The following STK32B variants were observed in gnomAD, a reference collection of about 807,000 sequenced individuals.
STK32B encodes serine/threonine-protein kinase 32B.
A neutral mutation model predicts 52.6 loss-of-function variants in STK32B; 43 were observed. That is an observed-to-expected ratio of 0.82 (90% CI 0.64 to 1.05). The LOEUF is 1.05. Ranked by LOEUF, STK32B falls within the 50% of genes least tolerant of loss-of-function variation. The pLI is 0.00. For missense variants in STK32B, 621 were observed against 534.6 expected (o/e 1.16, Z -1.59); for synonymous variants, 238 against 204.3 (o/e 1.17, Z -1.41).
At chr4:5,101,680 G>A (rs74819981) in intron 1 of STK32B, among the ~76,000 whole-genome samples, 2,487 of 152,096 alleles carry the variant, frequency 0.016, 70 homozygotes, top group African/African-American at 0.055. Context: ...TTAACTCAAA[G>A]CATTTCTTTA....
Position 5,416,888 on chromosome 4 carries a change from A to G in STK32B, c.516A>G (p.Lys172=), listed in dbSNP as rs774036422. ...ITDFNIATVV[K]GAERASSMAG... is the part of the protein sequence containing the mutation. ...ACTTCAACATAGCGACGGTAGTGAA[A>G]GGAGCAGAAAGGGCTTCCTCCATGG... The change falls in exon 6 of 12, where the codon AAA becomes AAG. Residue 172 remains lysine (K), a synonymous_variant. Transcript: ENST00000282908. 6.2e-7 allele frequency: 1 copy of G among 1,613,958 alleles called. No homozygotes were observed. Among genetic ancestry groups the G allele is most frequent in the South Asian group, 1.1e-5 (1 of 90,968 alleles).
chr4:5,082,593 C>T (rs1712499312), intron 1 of STK32B, among the ~76,000 whole-genome samples: 1 of 152,188 alleles, frequency 6.6e-6, no homozygotes, highest in Non-Finnish European at 1.5e-5. Context: ...AATGTAATGA[C>T]AACTCTAACT....
chr4:5,362,208 A>G (rs1451867871), intron 4 of STK32B, among the ~76,000 whole-genome samples: 1 of 152,224 alleles, frequency 6.6e-6, no homozygotes, highest in African/African-American at 2.4e-5. Flanking sequence ...TCCTCGATTT[A>G]AAGTTGGAAT....
chr4:5,497,170 C>T (rs184234531), intron 11 of STK32B, among the ~76,000 whole-genome samples: 1 of 152,264 alleles, frequency 6.6e-6, no homozygotes, highest in East Asian at 1.9e-4. Flanking sequence ...ATAATCCCTG[C>T]AGTATTTGAA....
chr4:5,245,472 A>T (rs1322712920), intron 3 of STK32B, among the ~76,000 whole-genome samples: 2 of 151,178 alleles, frequency 1.3e-5, no homozygotes, highest in Non-Finnish European at 3.0e-5. Flanking sequence ...CTACGTGAGC[A>T]CGTGAGATGG....
At chr4:5,492,582 A>G (rs1392262795) in intron 11 of STK32B, among the ~76,000 whole-genome samples, 2 of 150,230 alleles carry the variant, frequency 1.3e-5, no homozygotes, top group South Asian at 2.1e-4. Context: ...TCTCCTGCCT[A>G]ATTGCCCTGG....
intron 6 of STK32B, among the ~76,000 whole-genome samples, chr4:5,442,249 G>A (rs1414988763): frequency 6.8e-6 from 1 of 147,734 alleles, no homozygotes; most frequent in Non-Finnish European, 1.5e-5. Context: ...AAGTCTCTTT[G>A]TAGGTCACTC....
intron 4 of STK32B, among the ~76,000 whole-genome samples, chr4:5,363,851 T>C (rs1734699430): frequency 6.6e-6 from 1 of 152,206 alleles, no homozygotes; most frequent in African/African-American, 2.4e-5. Context: ...CCAATTTTCA[T>C]TGCTAATTAA....
chr4:5,041,590 C>T, the STK32B span, among the ~76,000 whole-genome samples: 1 of 151,850 alleles, frequency 6.6e-6, no homozygotes, highest in African/African-American at 2.4e-5. Context: ...TGCAGACACT[C>T]TACATTAGTA....
At position 5,438,835 on chromosome 4, in the gene STK32B, G is replaced by T. The variant is rs1010753584; in HGVS notation, c.563-7838G>T. 2.6e-5 allele frequency among the ~76,000 whole-genome samples: 4 copies of T among 152,140 alleles called. No homozygotes were observed. The East Asian group carries it at 7.8e-4, about 30-fold the overall frequency. On this transcript the variant is annotated intron_variant, in intron 6 of 11. Coordinates refer to ENST00000282908, the MANE Select transcript of STK32B (RefSeq NM_018401.3). Reference sequence around the variant, plus strand: ...ATCTCATTGTTCAATTCCCACCTATGAGTGACAATATGCGGTGTTTGGTTT... The same window carrying T: ...ATCTCATTGTTCAATTCCCACCTATTAGTGACAATATGCGGTGTTTGGTTT...
chr4:5,064,374 A>T (rs1742330458), intron 1 of STK32B, among the ~76,000 whole-genome samples: 1 of 93,948 alleles, frequency 1.1e-5, no homozygotes, highest in South Asian at 2.5e-4. Context: ...ACTTATATAC[A>T]TATATAATAT....
chr4:5,272,059 G>C (rs1254795303), intron 3 of STK32B, among the ~76,000 whole-genome samples: 3 of 147,838 alleles, frequency 2.0e-5, no homozygotes, highest in Non-Finnish European at 4.4e-5. Context: ...GGAGTGGTGA[G>C]AGAGGGCATC....
intron 1 of STK32B, among the ~76,000 whole-genome samples, chr4:5,120,859 A>G (rs1223558534): frequency 1.3e-5 from 2 of 151,426 alleles, no homozygotes; most frequent in African/African-American, 2.4e-5. Context: ...ATAAAATAAT[A>G]TAACACTTCA....
chr4:5,320,143 C>A (rs887822589), intron 3 of STK32B, among the ~76,000 whole-genome samples: 4 of 152,000 alleles, frequency 2.6e-5, no homozygotes, highest in African/African-American at 9.7e-5. Flanking sequence ...TTTGATAGGT[C>A]CCTCCCCTAT....
chr4:5,450,289 C>G (rs1239830507), intron 7 of STK32B, among the ~76,000 whole-genome samples: 2 of 152,184 alleles, frequency 1.3e-5, no homozygotes, highest in Admixed American at 1.3e-4. Context: ...TACTGCCTCT[C>G]CAGAGAACAC....
Position 5,455,284 on chromosome 4 carries a change from G to A in STK32B, c.667-1523G>A, listed in dbSNP as rs1166627309. ...TGGGAATTGCCGTTCCATGAGGTTG[G>A]AGCCAGGACCTTAAGTGCCGCAGTG... On this transcript the variant is annotated intron_variant, in intron 7 of 11. Coordinates refer to ENST00000282908, the MANE Select transcript of STK32B (RefSeq NM_018401.3). Among the ~76,000 whole-genome samples the A allele has an allele frequency of 3.3e-5, 5 of 152,334 alleles. No homozygotes were observed. The East Asian group carries it at 5.8e-4, about 18-fold the overall frequency.
intron 2 of STK32B, among the ~76,000 whole-genome samples, chr4:5,141,203 G>C (rs897364576): frequency 1.3e-5 from 2 of 152,222 alleles, no homozygotes; most frequent in Non-Finnish European, 2.9e-5. Flanking sequence ...TGGAAGCTCA[G>C]GTTATGACGC....
intron 11 of STK32B, among the ~76,000 whole-genome samples, chr4:5,481,892 T>C (rs2109200054): frequency 6.6e-6 from 1 of 152,338 alleles, no homozygotes; most frequent in South Asian, 2.1e-4. Context: ...ATCCGATGGT[T>C]GTAGATATGC....
intron 11 of STK32B, among the ~76,000 whole-genome samples, chr4:5,488,994 C>T (rs1378217338): frequency 6.6e-6 from 1 of 151,900 alleles, no homozygotes; most frequent in Non-Finnish European, 1.5e-5. Flanking sequence ...AAATTTTTAA[C>T]TCTCAGTAAC....
Sources: gnomAD v4.1 joint callset for allele counts (sites outside exome capture counted in the v4.1 genomes callset) on GRCh38, gnomAD v4.1.1 for gene constraint, MANE v1.5 for transcripts, NCBI Gene and HGNC (gene_info 2026-07-23, HGNC 2026-07-21) for gene names.